Variants in TCF24 observed in about 807,000 individuals in gnomAD.
TCF24 encodes the protein transcription factor 24.
Under a neutral mutation model 9.3 loss-of-function variants are expected in TCF24, and 5 were observed. The observed-to-expected ratio is 0.54, with a 90% confidence interval of 0.28 to 1.13. The LOEUF is 1.13. Among genes scored for constraint, TCF24 ranks in the 50% most tolerant of loss-of-function variants. TCF24 has a pLI of 0.09. For synonymous variants in TCF24, 110 were observed against 115.8 expected (o/e 0.95, Z 0.32); for missense variants, 220 against 236.1 (o/e 0.93, Z 0.45).
intron 3 of TCF24, among the ~76,000 whole-genome samples, chr8:66,953,624 T>C (rs1010254996): frequency 3.1e-4 from 47 of 152,078 alleles, no homozygotes; most frequent in Non-Finnish European, 6.2e-4. Flanking sequence ...CTGTATTTCC[T>C]GAATCTGAAT....
At chr8:66,948,521 T>C (rs1813998343) in intron 3 of TCF24, among the ~76,000 whole-genome samples, 1 of 152,214 alleles carries the variant, frequency 6.6e-6, no homozygotes, top group African/African-American at 2.4e-5. Flanking sequence ...TAAAACTAGA[T>C]CCTGGGCTTT....
intron 3 of TCF24, among the ~76,000 whole-genome samples, chr8:66,959,855 C>T (rs1020161321): frequency 8.5e-5 from 13 of 152,226 alleles, no homozygotes; most frequent in African/African-American, 2.9e-4. Context: ...ATTACAAAAA[C>T]ATTTGGTACA....
chr8:66,958,498 A>G (rs1283815763), intron 3 of TCF24, among the ~76,000 whole-genome samples: 2 of 152,174 alleles, frequency 1.3e-5, no homozygotes, highest in East Asian at 1.9e-4. Flanking sequence ...CTCCATGTCT[A>G]CTAAATACAA....
At chr8:66,956,686 A>AG (rs1814158969) in intron 3 of TCF24, among the ~76,000 whole-genome samples, 1 of 152,146 alleles carries the variant, frequency 6.6e-6, no homozygotes, top group African/African-American at 2.4e-5. Flanking sequence ...TAGAAACTGG[A>AG]GTGAGGTTTA....
At chr8:66,959,479 C>T (rs1296342598) in intron 3 of TCF24, among the ~76,000 whole-genome samples, 4 of 152,140 alleles carry the variant, frequency 2.6e-5, no homozygotes, top group African/African-American at 9.7e-5. Context: ...AGTTAACAGG[C>T]GGTTTCAATT....
chr8:66,955,929 TTTA>T lies in TCF24; in HGVS notation c.390+5444_390+5446del, dbSNP rs1206791664. Among the ~76,000 whole-genome samples, 7 of 152,200 alleles carry T rather than the reference TTTA, an allele frequency of 4.6e-5. No homozygotes were observed. In the South Asian group the frequency reaches 1.2e-3, roughly 27 times the overall value. On this transcript the variant is annotated intron_variant, in intron 3 of 3. Coordinates refer to ENST00000563496, the MANE Select transcript of TCF24 (RefSeq NM_001193502.2). ...CTAATTTTTATTTTTTTAAATTTAT[TTTA>T]TTATTATTTTTTTTTATGAGACAGG...
At chr8:66,948,826 G>C (rs1471494777) in intron 3 of TCF24, among the ~76,000 whole-genome samples, 1 of 152,112 alleles carries the variant, frequency 6.6e-6, no homozygotes, top group Non-Finnish European at 1.5e-5. Flanking sequence ...CTCCTGAGTA[G>C]CTAGGATTAT....
In TCF24 at chr8:66,947,102, T is replaced by C. The variant is rs536262526; in HGVS notation, c.*949A>G. 3.9e-5 allele frequency: 6 copies of C among 152,220 alleles called. No individual in the cohort carries two copies. The highest frequency in any genetic ancestry group is 2.9e-5 in the Non-Finnish European group (2 of 68,036). The allele number at this position is 152,220 out of a possible 1,614,324, so 9.4% of individuals were successfully genotyped here. A position where few individuals can be genotyped will look rare whatever the true frequency, so the allele number is the denominator to read the frequency against. Reference sequence around the variant, plus strand: ...CAAATATTTAAATATGCAAGTACTTTTCTACATATTAATATGTAGAGAACT... The same window carrying C: ...CAAATATTTAAATATGCAAGTACTTCTCTACATATTAATATGTAGAGAACT... On this transcript the variant is annotated 3_prime_UTR_variant, in exon 4 of 4. Transcript: ENST00000563496.
rs1813972688 is a variant in TCF24 at position 66,946,908 on chromosome 8, T to TC, written c.*1142_*1143insG. ...TTTTCTGAAATTCTTGCTGTTAAAT[T>TC]TAGTGTTTACAATTCAGTTTGAGGT... On this transcript the variant is annotated 3_prime_UTR_variant, in exon 4 of 4. Transcript: ENST00000563496. 4 of 152,168 alleles carry TC rather than the reference T, an allele frequency of 2.6e-5. No homozygotes were observed. The highest frequency in any genetic ancestry group is 6.5e-5 in the Admixed American group (1 of 15,272). 9.4% of individuals were successfully genotyped at this position (152,168 alleles called of 1,614,324 possible).
chr8:66,949,440 T>C (rs1186028232), intron 3 of TCF24, among the ~76,000 whole-genome samples: 25 of 152,136 alleles, frequency 1.6e-4, no homozygotes, highest in African/African-American at 6.0e-4. Flanking sequence ...GAACTCATCA[T>C]TTTTTATGGC....
intron 3 of TCF24, among the ~76,000 whole-genome samples, chr8:66,959,169 A>G (rs1814215446): frequency 6.6e-6 from 1 of 152,314 alleles, no homozygotes; most frequent in Admixed American, 6.5e-5. Flanking sequence ...AAATGCTCTT[A>G]AAGTAAATCC....
intron 3 of TCF24, among the ~76,000 whole-genome samples, chr8:66,956,228 G>A (rs200077527): frequency 6.6e-6 from 1 of 152,108 alleles, no homozygotes; most frequent in African/African-American, 2.4e-5. Context: ...CCAAAGTGCT[G>A]GGATTACAGG....
intron 3 of TCF24, among the ~76,000 whole-genome samples, chr8:66,950,735 C>A (rs1022505905): frequency 6.6e-6 from 1 of 152,038 alleles, no homozygotes; most frequent in Non-Finnish European, 1.5e-5. Flanking sequence ...ATGGAATGTT[C>A]TTCCATTTGT....
chr8:66,952,820 TG>T (rs1445018603), intron 3 of TCF24, among the ~76,000 whole-genome samples: 1 of 150,830 alleles, frequency 6.6e-6, no homozygotes, highest in Non-Finnish European at 1.5e-5. Context: ...TAGCTCTTCT[TG>T]TTGAATTGAT....
intron 3 of TCF24, 116 bp downstream of exon 3, chr8:66,961,260 G>C: frequency 7.9e-7 from 1 of 1,270,336 alleles, no homozygotes; most frequent in Non-Finnish European, 1.0e-6. Flanking sequence ...TCTCCCGGTC[G>C]GCTTCCCGCC....
intron 3 of TCF24, among the ~76,000 whole-genome samples, chr8:66,952,148 G>A (rs1412528441): frequency 6.8e-6 from 1 of 147,490 alleles, no homozygotes; most frequent in East Asian, 2.0e-4. Flanking sequence ...TTTTGAATGT[G>A]TTTGCTCTTG....
At chr8:66,960,695 A>C (rs771346558) in intron 3 of TCF24, among the ~76,000 whole-genome samples, 1 of 152,198 alleles carries the variant, frequency 6.6e-6, no homozygotes, top group Non-Finnish European at 1.5e-5. Context: ...CTCTTGTCTA[A>C]TTTTGTACAT....
chr8:66,956,767 G>A (rs879737018), intron 3 of TCF24, among the ~76,000 whole-genome samples: 1 of 152,158 alleles, frequency 6.6e-6, no homozygotes, highest in African/African-American at 2.4e-5. Flanking sequence ...CCCCAGTGCT[G>A]TAGTGTTACA....
chr8:66,958,413 C>T (rs1563407723), intron 3 of TCF24, among the ~76,000 whole-genome samples: 2 of 152,246 alleles, frequency 1.3e-5, no homozygotes, highest in East Asian at 3.9e-4. Context: ...CCTTAAAAAT[C>T]CCAGCTCTTG....
Sources: allele counts gnomAD v4.1 joint callset (sites outside exome capture counted in the v4.1 genomes callset), GRCh38; gene constraint gnomAD v4.1.1; transcripts MANE v1.5; gene names NCBI Gene and HGNC (gene_info 2026-07-23, HGNC 2026-07-21).